RASEF: variants seen among roughly 807,000 people sequenced by gnomAD.
RASEF encodes RAS and EF-hand domain containing.
A neutral mutation model predicts 90.1 loss-of-function variants in RASEF; 68 were observed. The observed-to-expected ratio is 0.75, with a 90% CI of 0.62 to 0.92. The LOEUF (loss-of-function observed/expected upper bound fraction) is 0.92, where lower values mean the gene tolerates loss of function less well. Ranked by LOEUF, RASEF falls within the 40% of genes least tolerant of loss-of-function variation. The pLI is 0.00. For synonymous variants in RASEF, 331 were observed against 345.2 expected, an observed-to-expected ratio of 0.96 and a Z score of 0.46; for missense variants, 949 against 937.2, an observed-to-expected ratio of 1.01 and a Z score of -0.16.
chr9:83,020,031 A>C (rs971925903), intron 3 of RASEF, among the ~76,000 whole-genome samples: 3 of 152,236 alleles, frequency 2.0e-5, no homozygotes, highest in Admixed American at 1.3e-4. Context: ...TGGTGCATAC[A>C]TATGTCCAAA....
At chr9:83,094,079 T>C in the RASEF span, among the ~76,000 whole-genome samples, 1 of 152,230 alleles carries the variant, frequency 6.6e-6, no homozygotes, top group Non-Finnish European at 1.5e-5. Flanking sequence ...TTCTCAAATT[T>C]ACTTAACCAT....
intron 6 of RASEF, among the ~76,000 whole-genome samples, chr9:83,008,909 T>TC (rs1407289381): frequency 1.6e-4 from 19 of 121,644 alleles, no homozygotes; most frequent in East Asian, 1.5e-3. Flanking sequence ...TATATATATA[T>TC]ATATATATAT....
Position 83,037,157 on chromosome 9 carries a change from T to A in RASEF, c.432-11236A>T, listed in dbSNP as rs1829756644. Among the ~76,000 whole-genome samples, 4 of 152,346 alleles carry A rather than the reference T, an allele frequency of 2.6e-5. No individual in the cohort carries two copies. In the South Asian group the frequency reaches 8.3e-4, roughly 32 times the overall value. The stretch of plus-strand genomic sequence containing the variant: ...GACTTTTTTCTTAGGTCAAGAGACT[T>A]GTTCCAAATTAATTCTGCACAAATT... On this transcript the variant is annotated intron_variant, in intron 1 of 16. Transcript: ENST00000376447.
At chr9:83,143,412 AAGGTCATGAATAGAC>A in the RASEF span, among the ~76,000 whole-genome samples, 1 of 152,180 alleles carries the variant, frequency 6.6e-6, no homozygotes, top group Admixed American at 6.5e-5. Flanking sequence ...AAAACAGGAA[AAGGTCATGAATAGAC>A]ACGTCTCAAA....
Position 83,048,331 on chromosome 9 carries a change from G to GTACA in RASEF, c.431+14105_431+14106insTGTA, listed in dbSNP as rs983876803. On this transcript the variant is annotated intron_variant, in intron 1 of 16. Transcript: ENST00000376447. ...TGGTAGAGGGGTGGAAACTCCCTGA[G>GTACA]TGTAGCTGGTCTGTTTGATTTCTGA... 6.1e-6 allele frequency: 6 copies of GTACA among 985,262 alleles called. No homozygotes were observed. The African/African-American group carries it at 1.0e-4, about 17-fold the overall frequency. The allele number at this position is 985,262 out of a possible 1,614,324, so 61.0% of individuals were successfully genotyped here.
At chr9:83,155,314 A>T in the RASEF span, among the ~76,000 whole-genome samples, 1 of 152,174 alleles carries the variant, frequency 6.6e-6, no homozygotes, top group Non-Finnish European at 1.5e-5. Flanking sequence ...GACATACCCA[A>T]GACTGGGTAA....
chr9:83,117,600 C>T, the RASEF span, among the ~76,000 whole-genome samples: 34 of 152,300 alleles, frequency 2.2e-4, no homozygotes, highest in East Asian at 6.6e-3. Flanking sequence ...CCTGATAAGC[C>T]TTCAGGTTAA....
chr9:83,113,342 G>A, the RASEF span, among the ~76,000 whole-genome samples: 609 of 152,244 alleles, frequency 4.0e-3, 1 homozygote, highest in Middle Eastern at 0.014. Context: ...CATAAGGTGA[G>A]AATGTACGTC....
At chr9:83,148,349 G>C in the RASEF span, among the ~76,000 whole-genome samples, 34,933 of 152,116 alleles carry the variant, frequency 0.23, 5,231 homozygotes, top group Non-Finnish European at 0.3. Flanking sequence ...GAGAATGTTA[G>C]AGTAGGGTGA....
the RASEF span, among the ~76,000 whole-genome samples, chr9:83,090,994 G>T: frequency 6.6e-6 from 1 of 152,106 alleles, no homozygotes; most frequent in Non-Finnish European, 1.5e-5. Flanking sequence ...TAATTGGACA[G>T]AATGTGCCTA....
At chr9:83,216,532 GA>G in the RASEF span, among the ~76,000 whole-genome samples, 37 of 152,302 alleles carry the variant, frequency 2.4e-4, no homozygotes, top group African/African-American at 6.7e-4. Flanking sequence ...CCGAGGTTTG[GA>G]AACCACTGCC....
chr9:82,997,262 A>C, intron 13 of RASEF, 136 bp from the exon 14 acceptor site: 1 of 626,094 alleles, frequency 1.6e-6, no homozygotes, highest in Non-Finnish European at 2.9e-6. Flanking sequence ...ACTGAGACAT[A>C]GGCATTTCAA....
At chr9:83,119,251 C>T in the RASEF span, among the ~76,000 whole-genome samples, 150,421 of 150,468 alleles carry the variant, frequency 1, 75,187 homozygotes, top group Middle Eastern at 1. Flanking sequence ...ACTCCTGACC[C>T]CAAGTGATCC....
the RASEF span, among the ~76,000 whole-genome samples, chr9:83,191,234 C>G: frequency 4.3e-4 from 66 of 152,326 alleles, no homozygotes; most frequent in Non-Finnish European, 7.5e-4. Context: ...TGTGACAAGT[C>G]TGCAGATTTC....
the RASEF span, among the ~76,000 whole-genome samples, chr9:83,179,473 G>A: frequency 6.4e-4 from 97 of 152,100 alleles, 1 homozygote; most frequent in African/African-American, 1.9e-3. Context: ...AATGAGTATC[G>A]TCATTTATTT....
chr9:83,015,914 A>T lies in RASEF; in HGVS notation c.670-14T>A. 2 of 1,590,276 alleles carry T rather than the reference A, an allele frequency of 1.3e-6. No individual in the cohort carries two copies. Among genetic ancestry groups the T allele is most frequent in the Admixed American group, 3.3e-5 (2 of 59,822 alleles). On this transcript the variant is annotated splice_polypyrimidine_tract_variant and intron_variant, in intron 3 of 16. Coordinates refer to ENST00000376447, the MANE Select transcript of RASEF (RefSeq NM_152573.4). The stretch of plus-strand genomic sequence containing the variant: ...TTTGCGTTTTTCCTAAAAGAAAAAA[A>T]AATATGTTGTTCATTTAAATAAGTT...
At chr9:82,999,324 T>C (rs146074363) in intron 12 of RASEF, among the ~76,000 whole-genome samples, 149 of 152,296 alleles carry the variant, frequency 9.8e-4, no homozygotes, top group African/African-American at 3.5e-3. Context: ...GCAATCCATA[T>C]TGTCACTTTG....
At chr9:83,156,828 A>C in the RASEF span, among the ~76,000 whole-genome samples, 2 of 152,068 alleles carry the variant, frequency 1.3e-5, no homozygotes, top group Non-Finnish European at 2.9e-5. Context: ...GGTTAGTGAG[A>C]CCTCCACTTT....
At chr9:83,172,053 T>C in the RASEF span, among the ~76,000 whole-genome samples, 1 of 151,912 alleles carries the variant, frequency 6.6e-6, no homozygotes, top group Non-Finnish European at 1.5e-5. Context: ...TTTATTGCTA[T>C]AAACTTGCCT....
Sources: gnomAD v4.1 joint callset for allele counts (sites outside exome capture counted in the v4.1 genomes callset) on GRCh38, gnomAD v4.1.1 for gene constraint, MANE v1.5 for transcripts, NCBI Gene and HGNC (gene_info 2026-07-23, HGNC 2026-07-21) for gene names.